ZNF415: variants seen among roughly 807,000 people sequenced by gnomAD.
The protein encoded by ZNF415 is zinc finger protein 415.
Under a neutral mutation model 7.3 loss-of-function variants are expected in ZNF415, and 5 were observed. The ratio of observed to expected loss-of-function variants is 0.69; its 90% CI spans 0.36 to 1.44. The LOEUF is 1.44. ZNF415 is among the 40% of genes most tolerant of loss of function. ZNF415 has a pLI of 0.04. For missense variants in ZNF415, 628 were observed against 664.8 expected, an observed-to-expected ratio of 0.94 and a Z score of 0.61; for synonymous variants, 207 against 226.3, an observed-to-expected ratio of 0.91 and a Z score of 0.77.
At chr19:53,119,924 C>G (rs946960620) in intron 2 of ZNF415, among the ~76,000 whole-genome samples, 2 of 152,094 alleles carry the variant, frequency 1.3e-5, no homozygotes, top group African/African-American at 4.8e-5. Flanking sequence ...AAAGAAAAGT[C>G]TGGGACCAAA....
At chr19:53,110,999 G>T (rs541938164) in intron 3 of ZNF415, among the ~76,000 whole-genome samples, 14 of 152,226 alleles carry the variant, frequency 9.2e-5, no homozygotes, top group African/African-American at 3.1e-4. Flanking sequence ...TGTTTAAAAC[G>T]AATTGAAAAT....
chr19:53,127,599 C>T (rs1044427742), intron 1 of ZNF415, among the ~76,000 whole-genome samples: 7 of 152,162 alleles, frequency 4.6e-5, no homozygotes, highest in African/African-American at 1.7e-4. Context: ...TCCTGATCGG[C>T]CGGGCGTGGT....
chr19:53,119,102 A>T (rs1309760240), intron 2 of ZNF415, among the ~76,000 whole-genome samples: 1 of 151,904 alleles, frequency 6.6e-6, no homozygotes, highest in Non-Finnish European at 1.5e-5. Flanking sequence ...AACATGGTGA[A>T]CCCCGCTTCT....
At chr19:53,113,497 A>C (rs2086549358) in intron 3 of ZNF415, among the ~76,000 whole-genome samples, 1 of 22,496 alleles carries the variant, frequency 4.4e-5, no homozygotes, top group Non-Finnish European at 8.5e-5. Flanking sequence ...ACAGAGCGAA[A>C]CTCCGTCTCA....
At chr19:53,115,707 T>A in intron 3 of ZNF415, 1 of 1,550,306 alleles carries the variant, frequency 6.5e-7, no homozygotes. Context: ...GTCTTACCTG[T>A]TTTCACACCT....
rs144120426 is a variant in ZNF415, at chr19:53,108,761, C to T, written c.1284G>A (p.Ala428=). 5.5e-5 allele frequency: 88 copies of T among 1,613,630 alleles called. No individual in the cohort carries two copies. Among genetic ancestry groups the T allele is most frequent in the Non-Finnish European group, 6.8e-5 (80 of 1,179,934 alleles). ...GKVFSYNSHL[A]SHRRVHTGEK... ...CTCCAGTATGAACTCTCCGATGACT[C>T]GCAAGGTGTGAATTGTAACTGAAAA... Residue 428 remains alanine (A), a synonymous_variant, in exon 4 of 4, where the codon GCG becomes GCA. Coordinates refer to ENST00000243643, the MANE Select transcript of ZNF415 (RefSeq NM_018355.4).
intron 1 of ZNF415, among the ~76,000 whole-genome samples, chr19:53,131,235 C>A (rs2090037398): frequency 6.6e-6 from 1 of 151,894 alleles, no homozygotes; most frequent in Admixed American, 6.6e-5. Flanking sequence ...ACTTTCTGCC[C>A]AGCTTTACTC....
intron 1 of ZNF415, 53 bp downstream of exon 1, chr19:53,132,801 CTG>C (rs1404893587): frequency 2.6e-5 from 4 of 152,426 alleles, no homozygotes; most frequent in Admixed American, 6.5e-5. Flanking sequence ...TGGACATCGG[CTG>C]TGGAAATGGG....
chr19:53,125,954 A>G (rs2089008582), intron 1 of ZNF415, among the ~76,000 whole-genome samples: 1 of 151,722 alleles, frequency 6.6e-6, no homozygotes, highest in Non-Finnish European at 1.5e-5. Context: ...AAATAAAATA[A>G]AATAAACTGG....
intron 2 of ZNF415, among the ~76,000 whole-genome samples, chr19:53,121,468 G>A (rs543915546): frequency 6.6e-6 from 1 of 152,014 alleles, no homozygotes; most frequent in Non-Finnish European, 1.5e-5. Context: ...TGTCACCCAG[G>A]CTGGAGTGCA....
intron 1 of ZNF415, among the ~76,000 whole-genome samples, chr19:53,127,597 G>A (rs914533173): frequency 6.6e-5 from 10 of 152,122 alleles, no homozygotes; most frequent in South Asian, 2.1e-4. Context: ...CTTCCTGATC[G>A]GCCGGGCGTG....
chr19:53,122,273 A>G (rs992272706), intron 2 of ZNF415: 4 of 991,698 alleles, frequency 4.0e-6, no homozygotes, highest in African/African-American at 1.6e-5. Context: ...ACAAAAAACA[A>G]AAACAACAAA....
intron 1 of ZNF415, among the ~76,000 whole-genome samples, chr19:53,123,260 C>A (rs2042908): frequency 0.51 from 77,711 of 151,926 alleles, 20,858 homozygotes; most frequent in East Asian, 0.62. Context: ...GCTCTACTCA[C>A]ATGTGGTCAG....
intron 1 of ZNF415, chr19:53,129,574 C>T: frequency 2.5e-6 from 1 of 401,378 alleles, no homozygotes. Flanking sequence ...GTCAGTGTTG[C>T]TCACATTGAG....
chr19:53,128,651 C>T lies in ZNF415; in HGVS notation c.-68+4205G>A, dbSNP rs151216199. 2.7e-4 allele frequency among the ~76,000 whole-genome samples: 30 copies of T among 109,494 alleles called. 1 individual carries two copies. The highest frequency in any genetic ancestry group is 8.6e-4 in the African/African-American group (27 of 31,448). 71.8% of individuals were successfully genotyped at this position (109,494 alleles called of 152,430 possible). ...CTGGAGTAAGGCGGTGGGGACGCCT[C>T]GGCACTGGCTGAGGACACAGGGTCT... On this transcript the variant is annotated intron_variant, in intron 1 of 3. Coordinates refer to ENST00000243643, the MANE Select transcript of ZNF415 (RefSeq NM_018355.4).
intron 3 of ZNF415, among the ~76,000 whole-genome samples, chr19:53,111,328 C>A (rs2086199334): frequency 6.8e-6 from 1 of 146,508 alleles, no homozygotes; most frequent in South Asian, 2.2e-4. Context: ...GTTCTCCTAG[C>A]CTATGATATT....
intron 1 of ZNF415, among the ~76,000 whole-genome samples, chr19:53,127,268 C>T (rs958644319): frequency 7.9e-5 from 12 of 152,160 alleles, no homozygotes; most frequent in Non-Finnish European, 1.5e-4. Context: ...TACAAACTCC[C>T]ATGGGGTCTT....
chr19:53,128,024 C>T (rs551878734), intron 1 of ZNF415, among the ~76,000 whole-genome samples: 1 of 152,292 alleles, frequency 6.6e-6, no homozygotes, highest in South Asian at 2.1e-4. Flanking sequence ...TCCTTGATCC[C>T]ACAAGCATGC....
rs2085662921 is a variant in ZNF415 at position 53,108,163 on chromosome 19, A to G, written c.*214T>C. ...AGTTAGGTGTATATGATTTCTCTTT[A>G]GCATGGACTCTGATGTCAATGAATG... On this transcript the variant is annotated 3_prime_UTR_variant, in exon 4 of 4. Coordinates refer to ENST00000243643, the MANE Select transcript of ZNF415 (RefSeq NM_018355.4). 3.5e-6 allele frequency: 2 copies of G among 572,004 alleles called. No homozygotes were observed. The highest frequency in any genetic ancestry group is 3.5e-5 in the Admixed American group (1 of 28,714). The allele number at this position is 572,004 out of a possible 1,614,324, so 35.4% of individuals were successfully genotyped here. A position where few individuals can be genotyped will look rare whatever the true frequency, so the allele number is the denominator to read the frequency against.
Sources: gnomAD v4.1 joint callset for allele counts (sites outside exome capture counted in the v4.1 genomes callset) on GRCh38, gnomAD v4.1.1 for gene constraint, MANE v1.5 for transcripts, NCBI Gene and HGNC (gene_info 2026-07-23, HGNC 2026-07-21) for gene names.